EXTL3: variants seen among roughly 807,000 people sequenced by gnomAD.
The protein encoded by EXTL3 is exostosin like glycosyltransferase 3.
Under a neutral mutation model 69.3 loss-of-function variants are expected in EXTL3, and 27 were observed. The observed-to-expected ratio is 0.39, with a 90% CI of 0.29 to 0.54. The LOEUF (loss-of-function observed/expected upper bound fraction) is 0.54. Among genes scored for constraint, EXTL3 ranks in the 20% least tolerant of loss-of-function variants. The pLI is 0.69. For missense variants in EXTL3, 1,003 were observed against 1,231.8 expected (o/e 0.81, Z 2.78); for synonymous variants, 511 against 499.4 (o/e 1.02, Z -0.31).
chr8:28,717,066 C>A lies in EXTL3; in HGVS notation c.1007C>A (p.Pro336Gln), dbSNP rs754509210. 6.2e-7 allele frequency: 1 copy of A among 1,614,194 alleles called. No homozygotes were observed. The highest frequency in any genetic ancestry group is 8.5e-7 in the Non-Finnish European group (1 of 1,180,030). Residue 336 changes from proline to glutamine, a missense_variant, in exon 3 of 7, where the codon CCG becomes CAG. Pro to Gln is a moderately conservative substitution (Grantham distance 76). Coordinates refer to ENST00000220562, the MANE Select transcript of EXTL3 (RefSeq NM_001440.4). This position sits in a 1 kb window ranked among gnomAD's most constrained non-coding sequence, Gnocchi z 8.3. The part of the protein sequence containing the change: ...PNFMEIPPQV[P>Q]VKRKYLFTFQ... ...TTCATGGAAATCCCACCACAGGTGCCGGTGAAGCGGAAATATCTCTTCACC... is the reference window on the plus strand; with the variant it reads ...TTCATGGAAATCCCACCACAGGTGCAGGTGAAGCGGAAATATCTCTTCACC...
At chr8:28,617,212 G>A (rs771694471) in intron 2 of EXTL3, among the ~76,000 whole-genome samples, 18 of 152,126 alleles carry the variant, frequency 1.2e-4, no homozygotes, top group African/African-American at 7.2e-5. Context: ...ACCCCGTTCC[G>A]AGAAGGCAAG....
chr8:28,748,008 G>A (rs1204714513), intron 6 of EXTL3, among the ~76,000 whole-genome samples: 1 of 152,076 alleles, frequency 6.6e-6, no homozygotes, highest in Admixed American at 6.6e-5. Flanking sequence ...GATTACAGGT[G>A]GGAACCACCA....
chr8:28,625,209 G>A (rs1005153824), intron 1 of EXTL3, among the ~76,000 whole-genome samples: 13 of 152,102 alleles, frequency 8.5e-5, no homozygotes, highest in African/African-American at 3.1e-4. Flanking sequence ...CTCACTCCTA[G>A]TGAAAACACT....
intron 1 of EXTL3, among the ~76,000 whole-genome samples, chr8:28,652,130 G>A (rs1307410676): frequency 6.6e-6 from 1 of 151,942 alleles, no homozygotes; most frequent in African/African-American, 2.4e-5. Context: ...TTTGGCTCTG[G>A]TGAATAATAC....
intron 1 of EXTL3, among the ~76,000 whole-genome samples, chr8:28,668,865 C>CTCTTTTTTTTTT (rs1193812924): frequency 1.1e-5 from 1 of 94,476 alleles, no homozygotes; most frequent in African/African-American, 4.6e-5. Context: ...GATAGAATCT[C>CTCTTTTTTTTTT]TTTTTTTTTT....
chr8:28,720,047 T>C (rs1414239362), intron 3 of EXTL3, among the ~76,000 whole-genome samples: 2 of 152,154 alleles, frequency 1.3e-5, no homozygotes, highest in Non-Finnish European at 2.9e-5. Context: ...TCTGGTCCTT[T>C]TAAAAAAGAG....
At chr8:28,658,204 G>C (rs551818584) in intron 1 of EXTL3, among the ~76,000 whole-genome samples, 4 of 72,156 alleles carry the variant, frequency 5.5e-5, no homozygotes, top group Admixed American at 2.0e-4. Flanking sequence ...GACGGTGGGT[G>C]GGGGGGGTCC....
chr8:28,647,701 T>C (rs1310943586), intron 1 of EXTL3, among the ~76,000 whole-genome samples: 1 of 152,182 alleles, frequency 6.6e-6, no homozygotes, highest in African/African-American at 2.4e-5. Flanking sequence ...CCAACACTTT[T>C]TTCTAGGCAG....
rs776122653 is a variant in EXTL3 at position 28,713,509 on chromosome 8, A to G, written c.-517A>G. On this transcript the variant is annotated 5_prime_UTR_variant, in exon 2 of 7. The change abolishes an upstream ATG in the 5' untranslated region. Transcript: ENST00000220562. ...TCAAGAAGTCGTGTGCTGAGGTGTA[A>G]TGCTACACAAGTCAGAGGAAGGAAG... 17 of 702,170 alleles carry G rather than the reference A, an allele frequency of 2.4e-5. 1 individual carries two copies. The Middle Eastern group carries it at 1.1e-3, about 47-fold the overall frequency. The allele number at this position is 702,170 out of a possible 1,614,324, so 43.5% of individuals were successfully genotyped here. A position where few individuals can be genotyped will look rare whatever the true frequency, so the allele number is the denominator to read the frequency against.
rs1482996880 is a variant in EXTL3, at chr8:28,716,563, C to T, written c.504C>T (p.Leu168=). The T allele has an allele frequency of 5.0e-6, 8 of 1,614,074 alleles. No homozygotes were observed. Among genetic ancestry groups the T allele is most frequent in the Non-Finnish European group, 6.8e-6 (8 of 1,180,052 alleles). Residue 168 remains leucine, a synonymous_variant, in exon 3 of 7, where the codon CTC becomes CTT. Coordinates refer to ENST00000220562, the MANE Select transcript of EXTL3 (RefSeq NM_001440.4). The surrounding 1 kb of genome is among the most constrained non-coding windows in gnomAD (Gnocchi z 7.1). Reference sequence around the variant, plus strand: ...TCCCAGAGAAGGACGATGCCGGCCTCCCTCCCCCGAAGGCCACTCGGGGCT... The same window carrying T: ...TCCCAGAGAAGGACGATGCCGGCCTTCCTCCCCCGAAGGCCACTCGGGGCT... ...RLLPEKDDAG[L]PPPKATRGCR...
At chr8:28,636,810 A>G (rs896072004) in intron 1 of EXTL3, among the ~76,000 whole-genome samples, 3 of 152,176 alleles carry the variant, frequency 2.0e-5, no homozygotes, top group Non-Finnish European at 4.4e-5. Context: ...CAGGAATTCG[A>G]GACCAGCCTG....
chr8:28,728,373 C>T (rs958148166), intron 3 of EXTL3, among the ~76,000 whole-genome samples: 2 of 152,200 alleles, frequency 1.3e-5, no homozygotes, highest in South Asian at 2.1e-4. Flanking sequence ...AGGCCTCACT[C>T]GGTCCTTCGT....
In EXTL3 at chr8:28,717,215, G is replaced by A. The variant is rs1193981138; in HGVS notation, c.1156G>A (p.Val386Met). Reference sequence around the variant, plus strand: ...CCGGATCATTGCCACCCTGAAGGCGGTGCAGGACAGCAAGCTGGATCAGGT... The same window carrying A: ...CCGGATCATTGCCACCCTGAAGGCGATGCAGGACAGCAAGCTGGATCAGGT... ...DDRIIATLKA[V>M]QDSKLDQVLV... The change falls in exon 3 of 7, where the codon GTG (valine) becomes ATG (methionine). Residue 386 changes from valine to methionine, a missense_variant. Transcript: ENST00000220562. The surrounding 1 kb of genome is among the most constrained non-coding windows in gnomAD (Gnocchi z 8.3). The A allele has an allele frequency of 1.9e-6, 3 of 1,614,124 alleles. No homozygotes were observed. Among genetic ancestry groups the A allele is most frequent in the African/African-American group, 1.3e-5 (1 of 74,954 alleles).
chr8:28,638,397 T>G (rs77641076), intron 1 of EXTL3, among the ~76,000 whole-genome samples: 36,970 of 152,050 alleles, frequency 0.24, 4,753 homozygotes, highest in Non-Finnish European at 0.28. Flanking sequence ...CTGAGGTAGA[T>G]CTGTGATATC....
intron 3 of EXTL3, among the ~76,000 whole-genome samples, chr8:28,721,173 T>C (rs779959526): frequency 3.7e-4 from 57 of 152,350 alleles, no homozygotes; most frequent in African/African-American, 1.3e-3. Flanking sequence ...TATTTTTGTT[T>C]TAGTAGGTGG....
chr8:28,645,483 C>T (rs1191688524), intron 1 of EXTL3, among the ~76,000 whole-genome samples: 1 of 152,072 alleles, frequency 6.6e-6, no homozygotes, highest in Non-Finnish European at 1.5e-5. Context: ...ATTGGAAAAC[C>T]TGAGCTATAA....
intron 1 of EXTL3, among the ~76,000 whole-genome samples, chr8:28,672,432 G>T (rs530515578): frequency 1.6e-5 from 2 of 123,278 alleles, no homozygotes; most frequent in African/African-American, 6.0e-5. Flanking sequence ...TGGGGGGGCG[G>T]GGGGAGAAAG....
intron 1 of EXTL3, among the ~76,000 whole-genome samples, chr8:28,645,117 T>C (rs912809073): frequency 3.3e-5 from 5 of 152,204 alleles, no homozygotes; most frequent in African/African-American, 1.2e-4. Context: ...AAGGAACTGC[T>C]CAACCAGTCT....
chr8:28,666,867 G>A (rs6983570), intron 1 of EXTL3, among the ~76,000 whole-genome samples: 3,356 of 152,186 alleles, frequency 0.022, 127 homozygotes, highest in African/African-American at 0.076. Context: ...GAGCCACCAC[G>A]CCCAGCCCCA....
Sources: allele counts gnomAD v4.1 joint callset (sites outside exome capture counted in the v4.1 genomes callset), GRCh38; gene constraint gnomAD v4.1.1; non-coding constraint Gnocchi (gnomAD v3.1); transcripts MANE v1.5; gene names NCBI Gene and HGNC (gene_info 2026-07-23, HGNC 2026-07-21).